Variants in CNKSR2 observed in about 807,000 individuals in gnomAD.
CNKSR2 encodes connector enhancer of kinase suppressor of Ras 2.
CNKSR2 carries 14 observed loss-of-function variants against 84.4 expected under a neutral mutation model. That is an observed-to-expected ratio of 0.17 (90% CI 0.11 to 0.26). CNKSR2 has a LOEUF of 0.26. Among genes scored for constraint, CNKSR2 ranks in the 10% least tolerant of loss-of-function variants. The pLI, the probability that CNKSR2 is intolerant of heterozygous loss-of-function variation, is 1.00. For missense variants in CNKSR2, 485 were observed against 771.2 expected (o/e 0.63, Z 4.40); for synonymous variants, 275 against 277.9 (o/e 0.99, Z 0.10).
chrX:21,386,088 T>G (rs968932039), intron 1 of CNKSR2, among the ~76,000 whole-genome samples: 2 of 109,565 alleles, frequency 1.8e-5, no homozygotes, highest in Non-Finnish European at 3.8e-5. Context: ...TGAGATGTTT[T>G]GTTATCAAAG....
intron 20 of CNKSR2, among the ~76,000 whole-genome samples, chrX:21,631,939 A>T (rs1013455269): frequency 2.7e-5 from 3 of 112,155 alleles, no homozygotes; most frequent in African/African-American, 9.7e-5. Flanking sequence ...TTCAGTGATA[A>T]TTCTTAGGAT....
chrX:21,627,984 T>C (rs757879699), intron 20 of CNKSR2, among the ~76,000 whole-genome samples: 1 of 111,424 alleles, frequency 9.0e-6, no homozygotes, highest in Admixed American at 9.5e-5. Flanking sequence ...CCCTTCCATC[T>C]ATGAGCCTGT....
intron 4 of CNKSR2, among the ~76,000 whole-genome samples, chrX:21,455,646 A>T (rs2090986547): frequency 8.9e-6 from 1 of 112,121 alleles, no homozygotes; most frequent in Admixed American, 9.4e-5. Flanking sequence ...AGAGAGATTG[A>T]TGTCAGTGGC....
At chrX:21,489,400 A>G in intron 5 of CNKSR2, among the ~76,000 whole-genome samples, 1 of 111,658 alleles carries the variant, frequency 9.0e-6, no homozygotes, top group Non-Finnish European at 1.9e-5. Flanking sequence ...GGAGATGGAT[A>G]GATGATAATA....
At chrX:21,535,346 C>T (rs1458659372) in intron 11 of CNKSR2, among the ~76,000 whole-genome samples, 3 of 110,893 alleles carry the variant, frequency 2.7e-5, no homozygotes, top group African/African-American at 9.9e-5. Flanking sequence ...TTCACAAATG[C>T]TTTGGCTATT....
intron 13 of CNKSR2, among the ~76,000 whole-genome samples, chrX:21,589,913 A>G (rs1213409012): frequency 9.0e-6 from 1 of 111,175 alleles, no homozygotes; most frequent in African/African-American, 3.3e-5. Flanking sequence ...AGACTATGTA[A>G]ACCATATGAA....
intron 1 of CNKSR2, among the ~76,000 whole-genome samples, chrX:21,420,603 C>G (rs186608330): frequency 2.7e-5 from 3 of 110,574 alleles, no homozygotes; most frequent in African/African-American, 9.9e-5. Flanking sequence ...GGCCCAAGGG[C>G]TCTTCAGTTA....
intron 11 of CNKSR2, among the ~76,000 whole-genome samples, chrX:21,554,507 C>T (rs2092120970): frequency 9.0e-6 from 1 of 111,063 alleles, no homozygotes; most frequent in African/African-American, 3.3e-5. Flanking sequence ...CAAAAGGCTC[C>T]AGTGTATGTT....
chrX:21,407,053 A>G (rs756499704), intron 1 of CNKSR2, among the ~76,000 whole-genome samples: 1 of 111,604 alleles, frequency 9.0e-6, no homozygotes, highest in Non-Finnish European at 1.9e-5. Flanking sequence ...TTAGTAGGTC[A>G]TAGTCATAGA....
intron 4 of CNKSR2, among the ~76,000 whole-genome samples, chrX:21,451,505 C>A (rs772105410): frequency 9.1e-6 from 1 of 109,510 alleles, no homozygotes; most frequent in Non-Finnish European, 1.9e-5. Flanking sequence ...ACACCATGGA[C>A]CACTATGCAG....
At chrX:21,550,132 A>G (rs192509108) in intron 11 of CNKSR2, among the ~76,000 whole-genome samples, 4 of 112,156 alleles carry the variant, frequency 3.6e-5, no homozygotes, top group South Asian at 3.7e-4. Flanking sequence ...TGAACAGTCA[A>G]CCTACAGAAT....
intron 20 of CNKSR2, among the ~76,000 whole-genome samples, chrX:21,622,662 G>A (rs1262893253): frequency 9.0e-6 from 1 of 111,352 alleles, no homozygotes; most frequent in African/African-American, 3.2e-5. Flanking sequence ...GTTCTTCCCT[G>A]TTGTTCAGCA....
At chrX:21,427,036 T>A (rs758980679) in intron 2 of CNKSR2, 5 of 140,737 alleles carry the variant, frequency 3.6e-5, no homozygotes, top group Admixed American at 8.8e-5. Flanking sequence ...GTTTGAAGTT[T>A]GACCCATGAA....
chrX:21,482,180 C>T (rs767863728), intron 5 of CNKSR2, among the ~76,000 whole-genome samples: 1 of 112,239 alleles, frequency 8.9e-6, no homozygotes, highest in East Asian at 2.8e-4. Context: ...TAGTAGCCAG[C>T]AGAGAATAAA....
chrX:21,504,941 T>C, intron 8 of CNKSR2: 1 of 285,473 alleles, frequency 3.5e-6, no homozygotes. Context: ...CCTCAAAGGC[T>C]GCTGGAATCT....
At chrX:21,541,666 C>T (rs1251164298) in intron 11 of CNKSR2, among the ~76,000 whole-genome samples, 1 of 111,810 alleles carries the variant, frequency 8.9e-6, no homozygotes, top group African/African-American at 3.3e-5. Flanking sequence ...TACTGTAATA[C>T]CTGTTGAGCG....
chrX:21,646,020 G>C (rs1247517387), intron 20 of CNKSR2: 1 of 111,660 alleles, frequency 9.0e-6, no homozygotes, highest in Non-Finnish European at 1.9e-5. Flanking sequence ...AAGACTCTTT[G>C]TCTAGTCTTA....
intron 9 of CNKSR2, among the ~76,000 whole-genome samples, chrX:21,521,764 C>T (rs1601896980): frequency 9.1e-6 from 1 of 110,121 alleles, no homozygotes; most frequent in African/African-American, 3.3e-5. Flanking sequence ...GTTTTCTGAT[C>T]AAATCTGTGG....
intron 17 of CNKSR2, among the ~76,000 whole-genome samples, chrX:21,598,028 C>T (rs761251100): frequency 4.3e-4 from 43 of 100,573 alleles, no homozygotes; most frequent in Admixed American, 9.7e-4. Flanking sequence ...TATATATATA[C>T]ACACACACAC....
Sources: gnomAD v4.1 joint callset for allele counts (sites outside exome capture counted in the v4.1 genomes callset) on GRCh38, gnomAD v4.1.1 for gene constraint, MANE v1.5 for transcripts, NCBI Gene and HGNC (gene_info 2026-07-23, HGNC 2026-07-21) for gene names.